Variants in NFAM1 observed in about 807,000 individuals in gnomAD.
NFAM1 encodes NFAT activating protein with ITAM motif 1.
NFAM1 carries 17 observed loss-of-function variants against 29.0 expected under a neutral mutation model. That is an observed-to-expected ratio of 0.59 (90% confidence interval 0.40 to 0.88). The LOEUF (loss-of-function observed/expected upper bound fraction) is 0.88. NFAM1 is among the 40% of genes least tolerant of loss of function. The pLI, the probability that NFAM1 is intolerant of heterozygous loss-of-function variation, is 0.00. For synonymous variants in NFAM1, 175 were observed against 147.2 expected (o/e 1.19, Z -1.36); for missense variants, 324 against 344.6 (o/e 0.94, Z 0.47).
Position 42,397,442 on chromosome 22 carries a change from C to T in NFAM1, c.663+416G>A, listed in dbSNP as rs551113742. 9.8e-4 allele frequency among the ~76,000 whole-genome samples: 149 copies of T among 152,182 alleles called. 2 individuals carry two copies. The Middle Eastern group carries it at 0.017, about 17-fold the overall frequency. On this transcript the variant is annotated intron_variant, in intron 4 of 5. Coordinates refer to ENST00000329021, the MANE Select transcript of NFAM1 (RefSeq NM_145912.8). ...TTACAAATCACTGATGTGTTAAGGG[C>T]GTGGGATGGCGCCTGACCTCTTCCT...
chr22:42,403,712 T>C (rs959842871), intron 3 of NFAM1, among the ~76,000 whole-genome samples: 1 of 152,246 alleles, frequency 6.6e-6, no homozygotes, highest in Non-Finnish European at 1.5e-5. Flanking sequence ...TCAGGGGACC[T>C]GTGCTAGAGG....
rs1569234692 is a variant in NFAM1 at position 42,419,989 on chromosome 22, GGT to G, written c.122-8255_122-8254del. Among the ~76,000 whole-genome samples, 78 of 56,522 alleles carry G rather than the reference GGT, an allele frequency of 1.4e-3. 3 individuals are homozygous for G. The highest frequency in any genetic ancestry group is 7.9e-3 in the Middle Eastern group (1 of 126). The allele number at this position is 56,522 out of a possible 152,430, so 37.1% of individuals were successfully genotyped here. ...CCTTTGAGTCTGTAATCCCACTCTT[GGT>G]TTTTTTTTTTTTTTTTTTTTTTTTT... On this transcript the variant is annotated intron_variant, in intron 1 of 5. Coordinates refer to ENST00000329021, the MANE Select transcript of NFAM1 (RefSeq NM_145912.8). The surrounding 1 kb of genome is among the most constrained non-coding windows in gnomAD (Gnocchi z 4.5).
chr22:42,431,296 C>T (rs760989547), intron 1 of NFAM1, among the ~76,000 whole-genome samples: 7 of 152,148 alleles, frequency 4.6e-5, no homozygotes, highest in Non-Finnish European at 7.3e-5. Flanking sequence ...CTGCTAAGGG[C>T]TCCATAAAGC....
chr22:42,408,561 C>T (rs562584902), intron 3 of NFAM1, among the ~76,000 whole-genome samples: 92 of 152,362 alleles, frequency 6.0e-4, no homozygotes, highest in African/African-American at 2.1e-3. Context: ...CTGGGAGAAC[C>T]TGGTACCCGC....
rs1342951505 is a variant in NFAM1 at position 42,398,050 on chromosome 22, A to C, written c.565-94T>G. On this transcript the variant is annotated intron_variant, in intron 3 of 5. Transcript: ENST00000329021. ...GGGGAAAGGATGGCAGATTGTCATG[A>C]GGTCACACAGAGATTCATCACTCAG... 4 of 657,918 alleles carry C rather than the reference A, an allele frequency of 6.1e-6. No individual in the cohort carries two copies. The East Asian group carries it at 1.1e-4, about 18-fold the overall frequency. 40.8% of individuals were successfully genotyped at this position (657,918 alleles called of 1,614,324 possible). A position where few individuals can be genotyped will look rare whatever the true frequency, so the allele number is the denominator to read the frequency against.
chr22:42,432,274 A>G lies in NFAM1; in HGVS notation c.84T>C (p.Leu28=), dbSNP rs748934139. ...PGLPAAPWLL[L]GVLLLPGTLR... is the part of the protein sequence containing the mutation. ...GGGTCCCGGGCAGCAGCAGCACGCC[A>G]AGGAGGAGCCAGGGGGCTGCGGGGA... is the stretch of plus-strand genomic sequence containing the variant. The change falls in exon 1 of 6, where the codon CTT becomes CTC. Residue 28 remains leucine (L), a synonymous_variant. Transcript: ENST00000329021. 2.5e-6 allele frequency: 4 copies of G among 1,572,950 alleles called. No homozygotes were observed. Among genetic ancestry groups the G allele is most frequent in the Middle Eastern group, 1.7e-4 (1 of 5,826 alleles).
intron 1 of NFAM1, among the ~76,000 whole-genome samples, chr22:42,431,748 C>T (rs757791542): frequency 3.3e-5 from 5 of 152,282 alleles, no homozygotes; most frequent in Non-Finnish European, 7.4e-5. Flanking sequence ...TGCCTCTGGG[C>T]GCAGAGCCCT....
At chr22:42,386,709 T>C (rs373845731) in intron 5 of NFAM1, among the ~76,000 whole-genome samples, 1 of 152,086 alleles carries the variant, frequency 6.6e-6, no homozygotes, top group South Asian at 2.1e-4. Context: ...TCACTGAACA[T>C]CTATGAGGTG....
intron 3 of NFAM1, among the ~76,000 whole-genome samples, chr22:42,400,383 C>CTTT (rs1201325838): frequency 6.6e-6 from 1 of 152,146 alleles, no homozygotes; most frequent in African/African-American, 2.4e-5. Context: ...TTTGGGAAGC[C>CTTT]AAGGTGGGTG....
chr22:42,437,143 T>A, upstream of NFAM1: 1 of 230,644 alleles, frequency 4.3e-6, no homozygotes, highest in Non-Finnish European at 7.0e-6. Context: ...CTTTTTGTCT[T>A]TTTTTTTTTT....
At chr22:42,432,073 T>A (rs1930820650) in intron 1 of NFAM1, among the ~76,000 whole-genome samples, 164 bp downstream of exon 1, 1 of 152,136 alleles carries the variant, frequency 6.6e-6, no homozygotes, top group South Asian at 2.1e-4. Context: ...GCTAAACATC[T>A]TCTCGGTCCC....
chr22:42,386,861 A>C (rs1160680491), intron 5 of NFAM1, 128 bp downstream of exon 5: 9 of 594,690 alleles, frequency 1.5e-5, no homozygotes, highest in Non-Finnish European at 1.8e-5. Flanking sequence ...GCCAGCTGCC[A>C]CCAGGAGATG....
intron 1 of NFAM1, among the ~76,000 whole-genome samples, chr22:42,412,846 G>A (rs1044233544): frequency 6.6e-6 from 1 of 152,174 alleles, no homozygotes; most frequent in Non-Finnish European, 1.5e-5. Flanking sequence ...TCCACGTGGG[G>A]CCATTTCGGC....
Position 42,385,237 on chromosome 22 carries a change from A to G in NFAM1, c.754-17T>C. 6 of 1,558,234 alleles carry G rather than the reference A, an allele frequency of 3.9e-6. No individual in the cohort carries two copies. The highest frequency in any genetic ancestry group is 2.7e-5 in the African/African-American group (2 of 73,886). ...CGGTCTCTCCTGGATAGAAAAGAAG[A>G]AAGGGAGGGAAGGAGAGAAAGAGAG... is the stretch of plus-strand genomic sequence containing the variant. On this transcript the variant is annotated splice_polypyrimidine_tract_variant and intron_variant, in intron 5 of 5. Transcript: ENST00000329021.
At position 42,397,911 on chromosome 22, in the gene NFAM1, C is replaced by G. The variant is rs201454033; in HGVS notation, c.610G>C (p.Asp204His). 10 of 1,612,758 alleles carry G rather than the reference C, an allele frequency of 6.2e-6. No individual in the cohort carries two copies. Among genetic ancestry groups the G allele is most frequent in the Middle Eastern group, 1.7e-4 (1 of 6,052 alleles). Residue 204 changes from aspartate to histidine, a missense_variant, in exon 4 of 6, where the codon GAT (aspartate) becomes CAT (histidine). By Grantham distance (81) the Asp-to-His change is moderately conservative (BLOSUM62 -1). Transcript: ENST00000329021. Reference sequence around the variant, plus strand: ...TTGGGGCTGCTGGCAGATCTTGGATCTGGGCACTTCCTGGTGGGGTCCTTC... The same window carrying G: ...TTGGGGCTGCTGGCAGATCTTGGATGTGGGCACTTCCTGGTGGGGTCCTTC... The part of the protein sequence containing the change: ...PGKDPTRKCP[D>H]PRSASSPKQH...
At position 42,385,106 on chromosome 22, in the gene NFAM1, G is replaced by A. The variant is rs1929089341; in HGVS notation, c.*55C>T. The A allele has an allele frequency of 2.9e-6, 4 of 1,372,412 alleles. No individual in the cohort carries two copies. The highest frequency in any genetic ancestry group is 4.2e-6 in the Non-Finnish European group (4 of 960,740). 85.0% of individuals were successfully genotyped at this position (1,372,412 alleles called of 1,614,324 possible). Reference sequence around the variant, plus strand: ...ACTCAGATCAAGTCCTTTGGTGGCAGGGGCTGCCCCGGTCCTCTGACCCAG... The same window carrying A: ...ACTCAGATCAAGTCCTTTGGTGGCAAGGGCTGCCCCGGTCCTCTGACCCAG... On this transcript the variant is annotated 3_prime_UTR_variant, in exon 6 of 6. Transcript: ENST00000329021.
chr22:42,397,431 T>C (rs1270537494), intron 4 of NFAM1, among the ~76,000 whole-genome samples: 3 of 152,200 alleles, frequency 2.0e-5, no homozygotes, highest in African/African-American at 7.2e-5. Flanking sequence ...AAATCACTGA[T>C]GTGTTAAGGG....
chr22:42,411,801 C>G (rs886933477), intron 1 of NFAM1, 65 bp from the exon 2 acceptor site: 24 of 1,160,210 alleles, frequency 2.1e-5, no homozygotes, highest in Non-Finnish European at 2.8e-5. Context: ...CACCCACTTG[C>G]CTGTTAAGGC....
chr22:42,429,344 G>A lies in NFAM1; in HGVS notation c.121+2893C>T, dbSNP rs188656706. ...CTCAAATTCAAACTGGGCCGGGTGC[G>A]GTGGCTCACGCCTGTAATCCCAGCA... On this transcript the variant is annotated intron_variant, in intron 1 of 5. Transcript: ENST00000329021. Among the ~76,000 whole-genome samples, 178 of 152,306 alleles carry A rather than the reference G, an allele frequency of 1.2e-3. 1 individual carries two copies. The Middle Eastern group carries it at 0.014, about 12-fold the overall frequency.
Sources: allele counts gnomAD v4.1 joint callset (sites outside exome capture counted in the v4.1 genomes callset), GRCh38; gene constraint gnomAD v4.1.1; non-coding constraint Gnocchi (gnomAD v3.1); transcripts MANE v1.5; gene names NCBI Gene and HGNC (gene_info 2026-07-23, HGNC 2026-07-21).